The following KLF12 variants were observed in gnomAD, a reference collection of about 807,000 sequenced individuals.
KLF12 encodes Krueppel-like factor 12.
In KLF12, 9 loss-of-function variants were observed where a neutral mutation model predicts 37.8. The observed-to-expected ratio is 0.24, with a 90% CI of 0.14 to 0.42. The LOEUF is 0.42. Among genes scored for constraint, KLF12 ranks in the 10% least tolerant of loss-of-function variants. KLF12 has a pLI of 1.00. For synonymous variants in KLF12, 208 were observed against 202.1 expected (o/e 1.03, Z -0.25); for missense variants, 411 against 516.0 (o/e 0.80, Z 1.97).
At chr13:74,018,281 G>A (rs992327181) in intron 1 of KLF12, among the ~76,000 whole-genome samples, 3 of 152,142 alleles carry the variant, frequency 2.0e-5, no homozygotes, top group African/African-American at 7.2e-5. Context: ...GAAGTAGAGA[G>A]CAGAATGGTG....
At chr13:73,703,454 T>G (rs1177007893) in intron 7 of KLF12, among the ~76,000 whole-genome samples, 1 of 152,090 alleles carries the variant, frequency 6.6e-6, no homozygotes, top group Non-Finnish European at 1.5e-5. Context: ...TCCTGTCAAT[T>G]CAATCAAATA....
At chr13:73,858,216 G>T (rs926166889) in intron 3 of KLF12, among the ~76,000 whole-genome samples, 3 of 152,028 alleles carry the variant, frequency 2.0e-5, no homozygotes, top group Admixed American at 6.5e-5. Flanking sequence ...TTAAAATCTG[G>T]TTTTCATATT....
the KLF12 span, among the ~76,000 whole-genome samples, chr13:74,165,382 C>T: frequency 6.6e-6 from 1 of 150,476 alleles, no homozygotes. Context: ...CTCACTGCAG[C>T]CTCACCTCCT....
At chr13:74,273,532 G>A in the KLF12 span, among the ~76,000 whole-genome samples, 60 of 151,250 alleles carry the variant, frequency 4.0e-4, no homozygotes, top group Non-Finnish European at 7.7e-4. Context: ...CAATGGTTGT[G>A]TGCAATTCTG....
At chr13:74,245,121 C>G in the KLF12 span, among the ~76,000 whole-genome samples, 1 of 152,078 alleles carries the variant, frequency 6.6e-6, no homozygotes, top group African/African-American at 2.4e-5. Flanking sequence ...AGGAAAATTT[C>G]CAGTTCTTTG....
chr13:73,981,973 C>T (rs746271428), intron 2 of KLF12, among the ~76,000 whole-genome samples: 5 of 152,178 alleles, frequency 3.3e-5, no homozygotes, highest in East Asian at 1.9e-4. Context: ...TGGAAACAAT[C>T]TACTTTTTTA....
intron 6 of KLF12, among the ~76,000 whole-genome samples, chr13:73,754,556 C>T (rs1408247): frequency 0.97 from 148,438 of 152,276 alleles, 72,456 homozygotes; most frequent in East Asian, 1. Flanking sequence ...GCCAAGACTG[C>T]GGAAAACACA....
At chr13:73,841,227 C>T (rs767799721) in intron 4 of KLF12, among the ~76,000 whole-genome samples, 9 of 152,096 alleles carry the variant, frequency 5.9e-5, no homozygotes, top group Non-Finnish European at 2.9e-5. Context: ...ATCCTAAACG[C>T]GCCTGCTCTT....
At chr13:74,260,371 C>T in the KLF12 span, among the ~76,000 whole-genome samples, 7 of 151,772 alleles carry the variant, frequency 4.6e-5, no homozygotes, top group Admixed American at 6.6e-5. Flanking sequence ...GCCTGGACAA[C>T]CTAGCAAGAC....
chr13:73,745,064 A>G (rs754131734), intron 6 of KLF12, among the ~76,000 whole-genome samples: 14 of 152,310 alleles, frequency 9.2e-5, no homozygotes, highest in African/African-American at 2.9e-4. Flanking sequence ...GCTGCTAGGT[A>G]CCCATTAAAA....
At chr13:73,823,167 C>T (rs752862006) in intron 4 of KLF12, among the ~76,000 whole-genome samples, 3 of 151,622 alleles carry the variant, frequency 2.0e-5, no homozygotes, top group Non-Finnish European at 2.9e-5. Context: ...AGTTTGTGTA[C>T]TGAGTAAAAT....
At chr13:74,176,128 C>A in the KLF12 span, among the ~76,000 whole-genome samples, 1 of 152,106 alleles carries the variant, frequency 6.6e-6, no homozygotes, top group African/African-American at 2.4e-5. Flanking sequence ...TACAATTTCC[C>A]TTAGCCATTT....
At chr13:74,022,318 G>GA (rs112061361) in intron 1 of KLF12, among the ~76,000 whole-genome samples, 7,759 of 151,944 alleles carry the variant, frequency 0.051, 307 homozygotes, top group African/African-American at 0.11. Flanking sequence ...CAGAATTTCA[G>GA]AAAAAAACAT....
At chr13:74,239,877 T>C in the KLF12 span, among the ~76,000 whole-genome samples, 1 of 151,844 alleles carries the variant, frequency 6.6e-6, no homozygotes, top group Non-Finnish European at 1.5e-5. Context: ...AGCACACTGA[T>C]GGGTCTTGAC....
At chr13:73,920,390 C>G (rs543744610) in intron 3 of KLF12, among the ~76,000 whole-genome samples, 3 of 152,050 alleles carry the variant, frequency 2.0e-5, no homozygotes, top group Non-Finnish European at 4.4e-5. Context: ...GGGCCAGGTA[C>G]AAGGTCTTGC....
At chr13:74,077,822 A>C (rs1206793029) in intron 1 of KLF12, among the ~76,000 whole-genome samples, 1 of 152,108 alleles carries the variant, frequency 6.6e-6, no homozygotes, top group African/African-American at 2.4e-5. Flanking sequence ...TCTCTGCCCA[A>C]TTTTCCTTGT....
At chr13:74,293,470 C>A in the KLF12 span, among the ~76,000 whole-genome samples, 12 of 152,276 alleles carry the variant, frequency 7.9e-5, no homozygotes, top group African/African-American at 2.9e-4. Context: ...CAGACATTCT[C>A]AACATTACAC....
chr13:74,114,002 T>C (rs1457387451), intron 1 of KLF12, among the ~76,000 whole-genome samples: 1 of 152,200 alleles, frequency 6.6e-6, no homozygotes, highest in East Asian at 1.9e-4. Context: ...TAACTGAAGA[T>C]GTGGTAGAAA....
chr13:74,048,456 C>T (rs571329356), intron 1 of KLF12, among the ~76,000 whole-genome samples: 86 of 152,004 alleles, frequency 5.7e-4, no homozygotes, highest in African/African-American at 2.0e-3. Context: ...AACTTTTAGG[C>T]ATTAAATCAC....
Sources: gnomAD v4.1 joint callset for allele counts (sites outside exome capture counted in the v4.1 genomes callset) on GRCh38, gnomAD v4.1.1 for gene constraint, MANE v1.5 for transcripts, NCBI Gene and HGNC (gene_info 2026-07-23, HGNC 2026-07-21) for gene names.